TBC1D14: variants seen among roughly 807,000 people sequenced by gnomAD.
TBC1D14 encodes the protein TBC1 domain family, member 14.
A neutral mutation model predicts 79.0 loss-of-function variants in TBC1D14; 26 were observed. That is an observed-to-expected ratio of 0.33 (90% CI 0.24 to 0.46). The LOEUF is 0.46. TBC1D14 is among the 20% of genes least tolerant of loss of function. The probability of loss-of-function intolerance (pLI) is 1.00; values close to 1 mark genes in which losing one functional copy is unlikely to be tolerated. For missense variants in TBC1D14, 769 were observed against 887.6 expected (o/e 0.87, Z 1.70); for synonymous variants, 394 against 349.9 (o/e 1.13, Z -1.40).
At position 7,030,921 on chromosome 4, in the gene TBC1D14, T is replaced by C. The variant is rs149116991; in HGVS notation, c.*529T>C. 3.0e-3 allele frequency: 463 copies of C among 155,004 alleles called. 2 individuals carry two copies. Among genetic ancestry groups the C allele is most frequent in the Non-Finnish European group, 4.8e-3 (333 of 69,652 alleles). 9.6% of individuals were successfully genotyped at this position (155,004 alleles called of 1,614,324 possible). ...TAGCATTAAAGGAACAGGGGCTCTC[T>C]GAGGATGGCCACTGATGTGTGTTTG... On this transcript the variant is annotated 3_prime_UTR_variant, in exon 14 of 14. Transcript: ENST00000409757.
intron 2 of TBC1D14, among the ~76,000 whole-genome samples, chr4:6,954,503 T>A (rs992047440): frequency 1.3e-5 from 2 of 152,246 alleles, no homozygotes; most frequent in African/African-American, 4.8e-5. Context: ...ATCCTTTCTA[T>A]CTAGGCAGCA....
At chr4:6,924,275 G>A (rs1235441607) in intron 2 of TBC1D14, among the ~76,000 whole-genome samples, 164 bp downstream of exon 2, 1 of 143,578 alleles carries the variant, frequency 7.0e-6, no homozygotes, top group African/African-American at 2.6e-5. Flanking sequence ...GTGGGATTGT[G>A]AGAACTGGTC....
chr4:6,968,563 C>T (rs534962878), intron 3 of TBC1D14, among the ~76,000 whole-genome samples: 4 of 152,326 alleles, frequency 2.6e-5, no homozygotes, highest in East Asian at 1.9e-4. Flanking sequence ...AGCTGGAAAC[C>T]GGTCCCAGAC....
chr4:6,952,731 G>T (rs1714156099), intron 2 of TBC1D14, among the ~76,000 whole-genome samples: 1 of 152,140 alleles, frequency 6.6e-6, no homozygotes. Flanking sequence ...TGCTGGCTGG[G>T]GCTTGAGGAG....
intron 1 of TBC1D14, among the ~76,000 whole-genome samples, chr4:6,912,872 C>T (rs966661157): frequency 6.6e-6 from 1 of 152,194 alleles, no homozygotes; most frequent in Non-Finnish European, 1.5e-5. Flanking sequence ...AGAAATGAGT[C>T]CAAGCTTACA....
chr4:6,919,852 T>A (rs1325500614), intron 1 of TBC1D14, among the ~76,000 whole-genome samples: 1 of 151,858 alleles, frequency 6.6e-6, no homozygotes, highest in African/African-American at 2.4e-5. Flanking sequence ...AACTCCTGAC[T>A]TCGTGATCTG....
intron 3 of TBC1D14, chr4:6,987,080 C>T (rs1717913856): frequency 1.1e-6 from 1 of 947,162 alleles, no homozygotes; most frequent in Non-Finnish European, 1.3e-6. Flanking sequence ...ACGCCCCAGC[C>T]CCGCCCCTTG....
intron 3 of TBC1D14, among the ~76,000 whole-genome samples, chr4:6,974,441 C>G (rs1388842691): frequency 6.6e-6 from 1 of 152,154 alleles, no homozygotes; most frequent in African/African-American, 2.4e-5. Flanking sequence ...GAAGGTAACC[C>G]TTTAAGGTGT....
At chr4:7,001,970 G>A (rs1719719402) in intron 7 of TBC1D14, among the ~76,000 whole-genome samples, 1 of 152,134 alleles carries the variant, frequency 6.6e-6, no homozygotes, top group African/African-American at 2.4e-5. Flanking sequence ...CTCTTTCTTG[G>A]GCCTAGGACC....
intron 3 of TBC1D14, among the ~76,000 whole-genome samples, chr4:6,969,790 G>C (rs1716064505): frequency 6.6e-6 from 1 of 151,942 alleles, no homozygotes; most frequent in East Asian, 1.9e-4. Context: ...AAATGACTAG[G>C]CCAGTTCATT....
chr4:6,913,354 GT>G (rs1723150008), intron 1 of TBC1D14, among the ~76,000 whole-genome samples: 1 of 152,218 alleles, frequency 6.6e-6, no homozygotes, highest in Non-Finnish European at 1.5e-5. Flanking sequence ...TGTAAGAATG[GT>G]TAAGTGTTCA....
intron 1 of TBC1D14, among the ~76,000 whole-genome samples, chr4:6,911,534 C>G (rs1165721402): frequency 2.0e-5 from 3 of 152,260 alleles, no homozygotes; most frequent in Non-Finnish European, 4.4e-5. Context: ...CTCTCACATT[C>G]AGCTTGGGCT....
At chr4:7,009,144 C>G (rs865882481) in intron 9 of TBC1D14, among the ~76,000 whole-genome samples, 1 of 152,134 alleles carries the variant, frequency 6.6e-6, no homozygotes, top group African/African-American at 2.4e-5. Context: ...GATTTTTATT[C>G]CTTGTGTTAA....
intron 3 of TBC1D14, among the ~76,000 whole-genome samples, chr4:6,985,592 CAATA>C (rs1717747621): frequency 6.6e-6 from 1 of 152,054 alleles, no homozygotes; most frequent in Non-Finnish European, 1.5e-5. Context: ...AAACTGGTGA[CAATA>C]AAACATAATC....
At chr4:6,989,442 C>T (rs1012046201) in intron 3 of TBC1D14, among the ~76,000 whole-genome samples, 3 of 152,242 alleles carry the variant, frequency 2.0e-5, no homozygotes, top group Admixed American at 6.5e-5. Flanking sequence ...GCCTCTTCCT[C>T]TTGGCCTCTA....
intron 3 of TBC1D14, among the ~76,000 whole-genome samples, chr4:6,978,260 A>G (rs1266769366): frequency 1.3e-5 from 2 of 151,560 alleles, no homozygotes; most frequent in Admixed American, 6.6e-5. Context: ...CTCATTGAGA[A>G]CGGGCCATGA....
intron 2 of TBC1D14, among the ~76,000 whole-genome samples, chr4:6,932,681 A>G (rs919701202): frequency 2.0e-5 from 3 of 152,178 alleles, no homozygotes; most frequent in Middle Eastern, 3.2e-3. Flanking sequence ...GGCCATTCAC[A>G]GGTGCAGCCA....
chr4:6,950,717 A>G (rs1326504864), intron 2 of TBC1D14, among the ~76,000 whole-genome samples: 1 of 152,128 alleles, frequency 6.6e-6, no homozygotes, highest in Non-Finnish European at 1.5e-5. Context: ...TAAAGAACGT[A>G]TTTTTCTAAT....
chr4:6,987,172 C>A, intron 3 of TBC1D14: 1 of 1,201,406 alleles, frequency 8.3e-7, no homozygotes, highest in South Asian at 3.9e-5. Context: ...CAGCGCGGAT[C>A]GCCTCGCTGT....
Sources: allele counts gnomAD v4.1 joint callset (sites outside exome capture counted in the v4.1 genomes callset), GRCh38; gene constraint gnomAD v4.1.1; transcripts MANE v1.5; gene names NCBI Gene and HGNC (gene_info 2026-07-23, HGNC 2026-07-21).